ZBTB20: variants seen among roughly 807,000 people sequenced by gnomAD.
The protein encoded by ZBTB20 is zinc finger and BTB domain-containing protein 20.
In ZBTB20, 9 loss-of-function variants were observed where a neutral mutation model predicts 56.9. The ratio of observed to expected loss-of-function variants is 0.16; its 90% CI spans 0.10 to 0.28. The LOEUF (loss-of-function observed/expected upper bound fraction) is 0.28, where lower values mean the gene tolerates loss of function less well. ZBTB20 is among the 10% of genes least tolerant of loss of function. ZBTB20 has a pLI of 1.00. For missense variants in ZBTB20, 655 were observed against 1,003.0 expected (o/e 0.65, Z 4.69); for synonymous variants, 417 against 420.7 (o/e 0.99, Z 0.11).
chr3:114,440,685 T>C (rs1425173216), intron 7 of ZBTB20, among the ~76,000 whole-genome samples: 3 of 152,198 alleles, frequency 2.0e-5, no homozygotes, highest in African/African-American at 7.2e-5. Context: ...TTTGAATTAA[T>C]GTCACTATAA....
intron 1 of ZBTB20, among the ~76,000 whole-genome samples, chr3:115,105,384 T>C (rs1440485090): frequency 2.6e-5 from 4 of 152,144 alleles, no homozygotes; most frequent in African/African-American, 4.8e-5. Context: ...ATAATAATGA[T>C]AGGATTTGAA....
At chr3:114,848,119 C>G (rs1315745160) in intron 4 of ZBTB20, among the ~76,000 whole-genome samples, 1 of 152,052 alleles carries the variant, frequency 6.6e-6, no homozygotes, top group African/African-American at 2.4e-5. Flanking sequence ...AGCCATTGTT[C>G]GTGCTGCCAG....
intron 6 of ZBTB20, among the ~76,000 whole-genome samples, chr3:114,578,674 TA>T (rs1243056089): frequency 6.6e-6 from 1 of 151,828 alleles, no homozygotes; most frequent in Non-Finnish European, 1.5e-5. Context: ...GTAATGTCTT[TA>T]AAATACTCAA....
At chr3:114,917,029 G>A (rs997397880) in intron 3 of ZBTB20, among the ~76,000 whole-genome samples, 1 of 152,008 alleles carries the variant, frequency 6.6e-6, no homozygotes, top group African/African-American at 2.4e-5. Flanking sequence ...CTGTTGCCCT[G>A]TTGAGTATCT....
intron 7 of ZBTB20, among the ~76,000 whole-genome samples, chr3:114,409,077 C>T (rs1209623192): frequency 2.0e-5 from 3 of 146,844 alleles, no homozygotes; most frequent in Non-Finnish European, 4.5e-5. Context: ...AAAGGTTGAA[C>T]GTACTCTGCT....
At chr3:114,588,664 G>A (rs933201300) in intron 6 of ZBTB20, among the ~76,000 whole-genome samples, 3 of 152,050 alleles carry the variant, frequency 2.0e-5, no homozygotes, top group African/African-American at 7.2e-5. Context: ...ATATGGTAAA[G>A]AACATTAAAC....
intron 4 of ZBTB20, among the ~76,000 whole-genome samples, chr3:114,880,614 T>C (rs1199685885): frequency 2.0e-5 from 3 of 152,126 alleles, no homozygotes; most frequent in Non-Finnish European, 4.4e-5. Flanking sequence ...ATAAAAAAGA[T>C]TGTCACAATA....
chr3:114,800,947 C>CT (rs960138451), intron 5 of ZBTB20, among the ~76,000 whole-genome samples, 154 bp downstream of exon 5: 59 of 146,624 alleles, frequency 4.0e-4, no homozygotes, highest in East Asian at 7.9e-4. Context: ...AGACCAACAA[C>CT]TTTTTTTTTT....
intron 7 of ZBTB20, among the ~76,000 whole-genome samples, chr3:114,476,394 A>T (rs775384308): frequency 2.6e-5 from 4 of 152,270 alleles, no homozygotes; most frequent in African/African-American, 9.6e-5. Flanking sequence ...AAGGTAAAAA[A>T]GCATATTTAT....
At chr3:114,839,160 G>A (rs7617926) in intron 4 of ZBTB20, among the ~76,000 whole-genome samples, 31,301 of 151,958 alleles carry the variant, frequency 0.21, 3,412 homozygotes, top group Middle Eastern at 0.26. Context: ...CAGCACTTTG[G>A]GAGGCCAAAG....
At chr3:114,837,367 T>C (rs2074172611) in intron 4 of ZBTB20, among the ~76,000 whole-genome samples, 1 of 152,186 alleles carries the variant, frequency 6.6e-6, no homozygotes, top group South Asian at 2.1e-4. Context: ...GCATAACAAC[T>C]TACCCCCAAA....
intron 1 of ZBTB20, among the ~76,000 whole-genome samples, chr3:115,106,528 C>T (rs375275194): frequency 3.3e-5 from 5 of 152,156 alleles, no homozygotes; most frequent in East Asian, 3.9e-4. Flanking sequence ...CCACTGTGCC[C>T]GGCCAATTAG....
At chr3:114,356,202 C>T (rs1271988689) in intron 10 of ZBTB20, 1 of 152,172 alleles carries the variant, frequency 6.6e-6, no homozygotes, top group Non-Finnish European at 1.5e-5. Context: ...AAGGGAAAAT[C>T]TGCCTGTGGG....
intron 5 of ZBTB20, among the ~76,000 whole-genome samples, chr3:114,728,118 T>A (rs1224725630): frequency 6.6e-6 from 1 of 152,206 alleles, no homozygotes; most frequent in Non-Finnish European, 1.5e-5. Flanking sequence ...GACAACAACA[T>A]GAGGCCTCTA....
intron 1 of ZBTB20, among the ~76,000 whole-genome samples, chr3:115,117,876 C>G (rs1163007327): frequency 6.6e-6 from 1 of 152,106 alleles, no homozygotes. Context: ...AGCTTTTCAT[C>G]TTACTCTTAA....
At chr3:114,888,946 T>G (rs1160248960) in intron 4 of ZBTB20, among the ~76,000 whole-genome samples, 1 of 152,110 alleles carries the variant, frequency 6.6e-6, no homozygotes, top group Admixed American at 6.5e-5. Flanking sequence ...CCTTATTTAA[T>G]TTTTTTACCT....
chr3:114,351,200 T>C lies in ZBTB20; in HGVS notation c.878A>G (p.Glu293Gly). 1.2e-6 allele frequency: 2 copies of C among 1,602,096 alleles called. No homozygotes were observed. Among genetic ancestry groups the C allele is most frequent in the Non-Finnish European group, 1.7e-6 (2 of 1,179,676 alleles). The change falls in exon 11 of 12, where the codon GAG becomes GGG. Residue 293 changes from glutamate to glycine, a missense_variant. By Grantham distance (98) the Glu-to-Gly change is moderately conservative. Transcript: ENST00000675478. The stretch of plus-strand genomic sequence containing the variant: ...GTAGCGCTCCATCTGCTGCGAGCGC[T>C]CATGGATGCGTGTGATCCAGCTGGG... ...EDPSWITRIH[E>G]RSQQMERYLS...
intron 4 of ZBTB20, among the ~76,000 whole-genome samples, chr3:114,855,436 T>A (rs564967759): frequency 6.6e-6 from 1 of 152,326 alleles, no homozygotes; most frequent in African/African-American, 2.4e-5. Flanking sequence ...TTTCCTAGCA[T>A]GAAAGGAAGA....
chr3:114,502,950 T>C lies in ZBTB20; in HGVS notation c.-294-2559A>G, dbSNP rs1215826045. 4 of 152,170 alleles carry C rather than the reference T, an allele frequency of 2.6e-5. No homozygotes were observed. The East Asian group carries it at 7.7e-4, about 29-fold the overall frequency. The allele number at this position is 152,170 out of a possible 1,614,324, so 9.4% of individuals were successfully genotyped here. On this transcript the variant is annotated intron_variant, in intron 6 of 11. Transcript: ENST00000675478. ...TTTCTGTTGCATGTTATAAACCCAA[T>C]AACTCTCAACAATATTATGCTCTTC...
Sources: allele counts gnomAD v4.1 joint callset (sites outside exome capture counted in the v4.1 genomes callset), GRCh38; gene constraint gnomAD v4.1.1; transcripts MANE v1.5; gene names NCBI Gene and HGNC (gene_info 2026-07-23, HGNC 2026-07-21).